The following GRIK2 variants were observed in gnomAD, a reference collection of about 807,000 sequenced individuals.
GRIK2 encodes the protein glutamate ionotropic receptor kainate type subunit 2, also known as glutamate receptor ionotropic, kainate 2.
Under a neutral mutation model 100.3 loss-of-function variants are expected in GRIK2, and 32 were observed. That is an observed-to-expected ratio of 0.32 (90% CI 0.24 to 0.43). The LOEUF (loss-of-function observed/expected upper bound fraction) is 0.43. GRIK2 is among the 20% of genes least tolerant of loss of function. GRIK2 has a pLI of 1.00. For synonymous variants in GRIK2, 417 were observed against 389.4 expected, an observed-to-expected ratio of 1.07 and a Z score of -0.83; for missense variants, 843 against 1,114.9, an observed-to-expected ratio of 0.76 and a Z score of 3.47.
intron 15 of GRIK2, among the ~76,000 whole-genome samples, chr6:102,041,535 A>G (rs1335033): frequency 0.28 from 42,513 of 151,314 alleles, 6,037 homozygotes; most frequent in East Asian, 0.31. Flanking sequence ...AGACATATTC[A>G]TAGCATGTTG....
In GRIK2 at chr6:102,036,254, CACACACAT is replaced by C. The variant is rs1249901826; in HGVS notation, c.2311+690_2311+697del. Among the ~76,000 whole-genome samples, 11 of 150,912 alleles carry C rather than the reference CACACACAT, an allele frequency of 7.3e-5. No individual in the cohort carries two copies. In the South Asian group the frequency reaches 1.2e-3, roughly 17 times the overall value. On this transcript the variant is annotated intron_variant, in intron 15 of 16. Transcript: ENST00000369134. The stretch of plus-strand genomic sequence containing the variant: ...AAACACACACACACACACACACACA[CACACACAT>C]ATATATATAAAACATTACAGTACAT...
intron 14 of GRIK2, among the ~76,000 whole-genome samples, chr6:101,930,641 T>A (rs1182840101): frequency 6.6e-6 from 1 of 152,048 alleles, no homozygotes; most frequent in Non-Finnish European, 1.5e-5. Flanking sequence ...GCAAAGTTCA[T>A]TTTTGAAAAA....
intron 2 of GRIK2, among the ~76,000 whole-genome samples, chr6:101,454,822 G>A (rs187635139): frequency 6.6e-6 from 1 of 152,212 alleles, no homozygotes; most frequent in East Asian, 1.9e-4. Context: ...GCTCTGCTAA[G>A]AGAAGGAACT....
At chr6:101,655,139 C>G (rs1781996323) in intron 4 of GRIK2, among the ~76,000 whole-genome samples, 1 of 152,102 alleles carries the variant, frequency 6.6e-6, no homozygotes, top group African/African-American at 2.4e-5. Context: ...ATACTCATTC[C>G]TATCCCTAAA....
chr6:101,462,745 C>T (rs1771397084), intron 2 of GRIK2, among the ~76,000 whole-genome samples: 1 of 152,086 alleles, frequency 6.6e-6, no homozygotes, highest in Non-Finnish European at 1.5e-5. Context: ...GGGCTGCTGT[C>T]CAAGGGAACT....
intron 15 of GRIK2, among the ~76,000 whole-genome samples, chr6:102,048,108 G>GA (rs1207727311): frequency 2.7e-5 from 4 of 150,806 alleles, no homozygotes; most frequent in South Asian, 2.1e-4. Context: ...ACACCCAATG[G>GA]AAAAAAACAG....
chr6:101,984,635 A>ACACACACACG (rs1332605304), intron 14 of GRIK2, among the ~76,000 whole-genome samples: 3 of 149,620 alleles, frequency 2.0e-5, no homozygotes, highest in Non-Finnish European at 4.5e-5. Flanking sequence ...ACACACACAC[A>ACACACACACG]CACACACACA....
intron 13 of GRIK2, chr6:101,928,060 T>C (rs1376503501): frequency 9.6e-6 from 2 of 209,310 alleles, no homozygotes. Flanking sequence ...ACTAACAAAA[T>C]ATGAAAAAAC....
intron 12 of GRIK2, among the ~76,000 whole-genome samples, chr6:101,914,315 T>A (rs1788954000): frequency 1.3e-5 from 2 of 151,578 alleles, no homozygotes; most frequent in Non-Finnish European, 3.0e-5. Flanking sequence ...GAGAGCATGA[T>A]CAATTTGATA....
chr6:101,623,812 G>A (rs971670069), intron 3 of GRIK2, among the ~76,000 whole-genome samples: 3 of 152,112 alleles, frequency 2.0e-5, no homozygotes, highest in African/African-American at 7.2e-5. Flanking sequence ...ATGAATAACT[G>A]TCTTTGTGAA....
At chr6:101,934,478 A>G (rs1790494669) in intron 14 of GRIK2, among the ~76,000 whole-genome samples, 1 of 151,846 alleles carries the variant, frequency 6.6e-6, no homozygotes, top group Non-Finnish European at 1.5e-5. Context: ...GTGATAGTAT[A>G]TGTTTTGAAG....
intron 2 of GRIK2, among the ~76,000 whole-genome samples, chr6:101,596,409 A>G (rs1245767770): frequency 6.6e-6 from 1 of 151,718 alleles, no homozygotes; most frequent in Middle Eastern, 3.4e-3. Context: ...AGGGTCTAGC[A>G]TTCTAGGTCA....
At chr6:101,425,596 T>C (rs1432371094) in intron 2 of GRIK2, among the ~76,000 whole-genome samples, 2 of 152,192 alleles carry the variant, frequency 1.3e-5, no homozygotes, top group African/African-American at 4.8e-5. Context: ...TTTTTCACTT[T>C]GTATTAAAGT....
chr6:101,533,932 G>A (rs2518262), intron 2 of GRIK2, among the ~76,000 whole-genome samples: 109,333 of 151,706 alleles, frequency 0.72, 39,628 homozygotes, highest in Non-Finnish European at 0.76. Context: ...TTTTCTAGCT[G>A]TGAATTTCTG....
chr6:102,031,566 C>T (rs1770001295), intron 14 of GRIK2, among the ~76,000 whole-genome samples: 1 of 151,092 alleles, frequency 6.6e-6, no homozygotes, highest in African/African-American at 2.4e-5. Flanking sequence ...TTGATCATGT[C>T]ACCTAGGTAG....
intron 2 of GRIK2, among the ~76,000 whole-genome samples, chr6:101,555,224 C>T (rs1000111196): frequency 7.2e-5 from 11 of 152,138 alleles, no homozygotes; most frequent in African/African-American, 4.8e-5. Context: ...TCCTGTTAGT[C>T]TTCAGAGTAA....
At chr6:101,464,713 G>C (rs1199234554) in intron 2 of GRIK2, among the ~76,000 whole-genome samples, 3 of 151,350 alleles carry the variant, frequency 2.0e-5, no homozygotes, top group East Asian at 3.9e-4. Flanking sequence ...GTAGAGACAG[G>C]GTTTCACCGT....
chr6:101,642,507 G>T (rs1781321363), intron 4 of GRIK2, among the ~76,000 whole-genome samples: 1 of 151,558 alleles, frequency 6.6e-6, no homozygotes, highest in Admixed American at 6.6e-5. Flanking sequence ...TTTTGTACTG[G>T]TTTATTTCAC....
At chr6:101,591,680 A>G (rs185128484) in intron 2 of GRIK2, among the ~76,000 whole-genome samples, 323 of 152,206 alleles carry the variant, frequency 2.1e-3, no homozygotes, top group Middle Eastern at 6.8e-3. Context: ...TACTGTTAAC[A>G]TATTAACAGT....
Sources: allele counts gnomAD v4.1 joint callset (sites outside exome capture counted in the v4.1 genomes callset), GRCh38; gene constraint gnomAD v4.1.1; transcripts MANE v1.5; gene names NCBI Gene and HGNC (gene_info 2026-07-23, HGNC 2026-07-21).